The following BBS4 variants were observed in gnomAD, a reference collection of about 807,000 sequenced individuals.
The protein encoded by BBS4 is Bardet-Biedl syndrome 4.
Under a neutral mutation model 71.4 loss-of-function variants are expected in BBS4, and 58 were observed. The ratio of observed to expected loss-of-function variants is 0.81; its 90% CI spans 0.66 to 1.01. The LOEUF (loss-of-function observed/expected upper bound fraction) is 1.01. Ranked by LOEUF, BBS4 falls within the 50% of genes least tolerant of loss-of-function variation. The pLI, the probability that BBS4 is intolerant of heterozygous loss-of-function variation, is 0.00. For synonymous variants in BBS4, 228 were observed against 216.8 expected (o/e 1.05, Z -0.46); for missense variants, 660 against 607.9 (o/e 1.09, Z -0.90).
At chr15:72,710,344 A>G (rs2065346080) in intron 3 of BBS4, among the ~76,000 whole-genome samples, 1 of 151,446 alleles carries the variant, frequency 6.6e-6, no homozygotes, top group Non-Finnish European at 1.5e-5. Flanking sequence ...GGGACTACAG[A>G]TGAGTGTCAC....
chr15:72,702,285 C>T (rs2065183950), intron 2 of BBS4, among the ~76,000 whole-genome samples: 1 of 152,128 alleles, frequency 6.6e-6, no homozygotes, highest in Admixed American at 6.6e-5. Flanking sequence ...GGTTATAGTC[C>T]TGCCTCTTCC....
chr15:72,717,607 A>G (rs746609080), intron 6 of BBS4, among the ~76,000 whole-genome samples: 19 of 152,120 alleles, frequency 1.2e-4, no homozygotes, highest in Non-Finnish European at 2.6e-4. Context: ...CACTTATGTC[A>G]TATCAGCTCC....
chr15:72,707,501 C>T (rs1013439004), intron 2 of BBS4, among the ~76,000 whole-genome samples: 3 of 152,112 alleles, frequency 2.0e-5, no homozygotes, highest in Non-Finnish European at 4.4e-5. Flanking sequence ...TTAAAAAGGA[C>T]TGTCTCCAAC....
chr15:72,731,221 G>T, intron 10 of BBS4, 84 bp from the exon 11 acceptor site: 2 of 1,564,984 alleles, frequency 1.3e-6, no homozygotes, highest in South Asian at 2.2e-5. Flanking sequence ...TGATGGGCCT[G>T]CTGAGTATAG....
chr15:72,735,613 C>A, intron 13 of BBS4: 1 of 658,154 alleles, frequency 1.5e-6, no homozygotes, highest in South Asian at 1.7e-5. Context: ...GCTGAGATGC[C>A]AGATTTGGTC....
At chr15:72,718,400 T>C (rs938049845) in intron 6 of BBS4, among the ~76,000 whole-genome samples, 2 of 152,232 alleles carry the variant, frequency 1.3e-5, no homozygotes, top group Admixed American at 6.5e-5. Flanking sequence ...TTCTATTTTA[T>C]GCTGTTGGTA....
chr15:72,699,362 G>C (rs900556290), intron 2 of BBS4, among the ~76,000 whole-genome samples: 1 of 152,136 alleles, frequency 6.6e-6, no homozygotes, highest in South Asian at 2.1e-4. Flanking sequence ...GGGATTACAG[G>C]TGTGAGCCAC....
chr15:72,691,831 T>TGC (rs1202265531), intron 1 of BBS4, among the ~76,000 whole-genome samples: 10 of 152,056 alleles, frequency 6.6e-5, no homozygotes, highest in Non-Finnish European at 1.0e-4. Context: ...GATGCGGTGC[T>TGC]GCGCGCCTGT....
chr15:72,725,847 C>T (rs1170117292), intron 8 of BBS4, among the ~76,000 whole-genome samples: 185 of 2,868 alleles, frequency 0.065, 74 homozygotes, highest in Non-Finnish European at 0.11. Context: ...CTTTCCCCAT[C>T]CCCCTTTCCC....
At chr15:72,717,025 T>C (rs1299228885) in intron 6 of BBS4, 175 bp downstream of exon 6, 2 of 619,034 alleles carry the variant, frequency 3.2e-6, no homozygotes, top group Non-Finnish European at 5.7e-6. Flanking sequence ...CTCATAACTT[T>C]GCAGGCATTG....
In BBS4 at chr15:72,705,178, C is replaced by T. The variant is rs923994431; in HGVS notation, c.77-4522C>T. On this transcript the variant is annotated intron_variant, in intron 2 of 15. Transcript: ENST00000268057. Reference sequence around the variant, plus strand: ...TGTCCTGTGTGGTAGTAGCCCCTGCCCTCAATTATAAACTCCATGAAATCA... The same window carrying T: ...TGTCCTGTGTGGTAGTAGCCCCTGCTCTCAATTATAAACTCCATGAAATCA... 2.0e-5 allele frequency among the ~76,000 whole-genome samples: 3 copies of T among 152,090 alleles called. No individual in the cohort carries two copies. In the East Asian group the frequency reaches 5.8e-4, roughly 29 times the overall value.
chr15:72,730,598 CAATA>C (rs1326683630), intron 10 of BBS4, among the ~76,000 whole-genome samples: 1 of 152,036 alleles, frequency 6.6e-6, no homozygotes, highest in Non-Finnish European at 1.5e-5. Context: ...TAAAAAGAAA[CAATA>C]ATTATGTTGA....
intron 13 of BBS4, 115 bp downstream of exon 13, chr15:72,735,297 T>G: frequency 1.3e-6 from 1 of 796,308 alleles, no homozygotes; most frequent in Non-Finnish European, 2.2e-6. Flanking sequence ...CTCTATGGCA[T>G]TAGTACATAG....
intron 8 of BBS4, among the ~76,000 whole-genome samples, chr15:72,726,373 T>C (rs1424365918): frequency 2.6e-5 from 4 of 152,114 alleles, no homozygotes; most frequent in African/African-American, 9.7e-5. Context: ...TGGTCTCCCA[T>C]AGTGCTGGGA....
intron 4 of BBS4, among the ~76,000 whole-genome samples, chr15:72,715,039 T>A (rs2065443461): frequency 6.6e-6 from 1 of 152,240 alleles, no homozygotes; most frequent in South Asian, 2.1e-4. Flanking sequence ...ATCTATGTGA[T>A]GGATCCTGGG....
At chr15:72,693,869 TTTTG>T (rs2065028389) in intron 1 of BBS4, among the ~76,000 whole-genome samples, 1 of 152,100 alleles carries the variant, frequency 6.6e-6, no homozygotes, top group African/African-American at 2.4e-5. Context: ...TGTCAGTCTT[TTTTG>T]TTTTTCTTTT....
rs531198222 is a variant in BBS4, at chr15:72,716,980, G to T, written c.405+130G>T. 30 of 734,148 alleles carry T rather than the reference G, an allele frequency of 4.1e-5. No homozygotes were observed. In the South Asian group the frequency reaches 4.6e-4, roughly 11 times the overall value. 45.5% of individuals were successfully genotyped at this position (734,148 alleles called of 1,614,324 possible). A position where few individuals can be genotyped will look rare whatever the true frequency, so the allele number is the denominator to read the frequency against. ...GATTTTAACCTCATACTTAATTCATGATTTGTATAAGTATAGGATCAAAAA... is the reference window on the plus strand; with the variant it reads ...GATTTTAACCTCATACTTAATTCATTATTTGTATAAGTATAGGATCAAAAA... On this transcript the variant is annotated intron_variant, in intron 6 of 15. Transcript: ENST00000268057.
At chr15:72,690,601 C>T (rs960519608) in intron 1 of BBS4, among the ~76,000 whole-genome samples, 2 of 152,124 alleles carry the variant, frequency 1.3e-5, no homozygotes, top group African/African-American at 4.8e-5. Flanking sequence ...GTATAATACA[C>T]GTACCATAAA....
intron 2 of BBS4, among the ~76,000 whole-genome samples, chr15:72,698,627 CTGTT>C (rs2065119012): frequency 1.3e-5 from 2 of 152,164 alleles, no homozygotes; most frequent in South Asian, 4.1e-4. Context: ...GTTTATCTGT[CTGTT>C]GATGGGCATT....
Sources: allele counts gnomAD v4.1 joint callset (sites outside exome capture counted in the v4.1 genomes callset), GRCh38; gene constraint gnomAD v4.1.1; transcripts MANE v1.5; gene names NCBI Gene and HGNC (gene_info 2026-07-23, HGNC 2026-07-21).